Variants in WASF3 observed in about 807,000 individuals in gnomAD.
The protein encoded by WASF3 is WASP family member 3.
In WASF3, 11 loss-of-function variants were observed where a neutral mutation model predicts 46.6. The ratio of observed to expected loss-of-function variants is 0.24; its 90% CI spans 0.15 to 0.39. The LOEUF is 0.39. Among genes scored for constraint, WASF3 ranks in the 10% least tolerant of loss-of-function variants. The pLI is 1.00. For synonymous variants in WASF3, 242 were observed against 259.7 expected, an observed-to-expected ratio of 0.93 and a Z score of 0.65; for missense variants, 576 against 669.8, an observed-to-expected ratio of 0.86 and a Z score of 1.55.
chr13:26,551,327 A>G, the WASF3 span, among the ~76,000 whole-genome samples: 1 of 152,136 alleles, frequency 6.6e-6, no homozygotes, highest in Non-Finnish European at 1.5e-5. Context: ...CAGTGGCTTC[A>G]TGGGGGATGG....
In WASF3 at chr13:26,613,048, A is replaced by G. The variant is rs544715628; in HGVS notation, c.-21A>G. Reference sequence around the variant, plus strand: ...GGGGAATTTCTGCAACCCATAGTCAACGATTACATGGTAAGAGTGTGTGCC... The same window carrying G: ...GGGGAATTTCTGCAACCCATAGTCAGCGATTACATGGTAAGAGTGTGTGCC... On this transcript the variant is annotated 5_prime_UTR_variant, in exon 2 of 10. Coordinates refer to ENST00000335327, the MANE Select transcript of WASF3 (RefSeq NM_006646.6). 9 of 152,228 alleles carry G rather than the reference A, an allele frequency of 5.9e-5. No homozygotes were observed. The highest frequency in any genetic ancestry group is 2.6e-4 in the Admixed American group (4 of 15,290). 9.4% of individuals were successfully genotyped at this position (152,228 alleles called of 1,614,324 possible). A position where few individuals can be genotyped will look rare whatever the true frequency, so the allele number is the denominator to read the frequency against.
rs531587584 is a variant in WASF3 at position 26,645,080 on chromosome 13, G to T, written c.133+2677G>T. Among the ~76,000 whole-genome samples the T allele has an allele frequency of 1.8e-4, 28 of 152,330 alleles. No homozygotes were observed. In the South Asian group the frequency reaches 4.6e-3, roughly 25 times the overall value. On this transcript the variant is annotated intron_variant, in intron 3 of 9. Coordinates refer to ENST00000335327, the MANE Select transcript of WASF3 (RefSeq NM_006646.6). ...AATTTTGGAAAACGAAGATAACTGA[G>T]TGCAATGAACTGAATGTTTGTGTCT...
At chr13:26,664,941 G>A in intron 3 of WASF3, 87 bp from the exon 4 acceptor site, 1 of 1,380,506 alleles carries the variant, frequency 7.2e-7, no homozygotes, top group Non-Finnish European at 1.0e-6. Flanking sequence ...CCCACATGTT[G>A]ACAGGAATAA....
At chr13:26,559,587 G>T (rs1441823868) in intron 1 of WASF3, among the ~76,000 whole-genome samples, 1 of 152,050 alleles carries the variant, frequency 6.6e-6, no homozygotes, top group Non-Finnish European at 1.5e-5. Context: ...ATGTATGGCA[G>T]GTAACCTTTT....
intron 6 of WASF3, among the ~76,000 whole-genome samples, chr13:26,674,565 G>A (rs1210840982): frequency 3.3e-5 from 5 of 152,136 alleles, no homozygotes. Context: ...AACATTTTAC[G>A]AAGTATTTGT....
intron 1 of WASF3, among the ~76,000 whole-genome samples, chr13:26,599,218 C>CTGG (rs1880573113): frequency 8.2e-6 from 1 of 121,792 alleles, no homozygotes. Context: ...GAGTCTTGCT[C>CTGG]TGTCACCCAG....
chr13:26,683,032 C>T lies in WASF3; in HGVS notation c.1351+58C>T, dbSNP rs1294007572. On this transcript the variant is annotated intron_variant, in intron 9 of 9. Transcript: ENST00000335327. ...TTCAGCAAGAGGTTTCTTCATGTCT[C>T]CAGCCAGCTACAGCCTCCTTGTCTT... The T allele has an allele frequency of 3.2e-6, 5 of 1,553,112 alleles. No homozygotes were observed. In the East Asian group the frequency reaches 9.0e-5, roughly 28 times the overall value.
chr13:26,660,182 GT>G (rs1326204619), intron 3 of WASF3, among the ~76,000 whole-genome samples: 1 of 51,082 alleles, frequency 2.0e-5, no homozygotes, highest in African/African-American at 6.9e-5. Flanking sequence ...ATTAGCTTTT[GT>G]TTTTTGTTTG....
At chr13:26,582,676 C>CAAAAAAAA (rs398022033) in intron 1 of WASF3, among the ~76,000 whole-genome samples, 5 of 53,398 alleles carry the variant, frequency 9.4e-5, no homozygotes, top group East Asian at 6.5e-4. Flanking sequence ...GACTCCGTCT[C>CAAAAAAAA]AAAAAAAAAA....
intron 1 of WASF3, among the ~76,000 whole-genome samples, chr13:26,560,796 G>A (rs1231919463): frequency 6.6e-6 from 1 of 152,216 alleles, no homozygotes; most frequent in East Asian, 1.9e-4. Flanking sequence ...GTCAGCCCCC[G>A]ATGAGCTTGC....
At chr13:26,547,567 T>C in the WASF3 span, among the ~76,000 whole-genome samples, 1 of 152,298 alleles carries the variant, frequency 6.6e-6, no homozygotes, top group East Asian at 1.9e-4. Flanking sequence ...CCTTACTGAT[T>C]CCTTCTCATA....
chr13:26,592,930 A>G (rs1880348014), intron 1 of WASF3, among the ~76,000 whole-genome samples: 1 of 152,206 alleles, frequency 6.6e-6, no homozygotes. Context: ...CAATATTTAC[A>G]GTGATTTTCT....
intron 1 of WASF3, among the ~76,000 whole-genome samples, chr13:26,595,230 A>G (rs935965372): frequency 6.6e-6 from 1 of 152,158 alleles, no homozygotes; most frequent in Non-Finnish European, 1.5e-5. Flanking sequence ...TCTGTCTGAT[A>G]TTGTTTCCAT....
At chr13:26,554,088 C>CTTTCTTTCTTTCTTTCTTTCT (rs1289008259), upstream of WASF3, among the ~76,000 whole-genome samples, 2 of 27,694 alleles carry the variant, frequency 7.2e-5, no homozygotes, top group East Asian at 1.6e-3. Context: ...TCCTTCCTTC[C>CTTTCTTTCTTTCTTTCTTTCT]TTCCTTCCTT....
chr13:26,626,217 A>G (rs1593155874), intron 2 of WASF3: 1 of 152,398 alleles, frequency 6.6e-6, no homozygotes. Context: ...CAGTGGATGG[A>G]AAAGTACTAA....
At chr13:26,639,011 G>A (rs1352989128) in intron 2 of WASF3, among the ~76,000 whole-genome samples, 2 of 152,128 alleles carry the variant, frequency 1.3e-5, no homozygotes, top group Non-Finnish European at 2.9e-5. Context: ...CACCATGAGT[G>A]GAAGCAGCCT....
At chr13:26,572,934 G>T (rs769565332) in intron 1 of WASF3, among the ~76,000 whole-genome samples, 3 of 152,140 alleles carry the variant, frequency 2.0e-5, no homozygotes, top group Non-Finnish European at 4.4e-5. Context: ...TGTGATATTG[G>T]TTTGTAATGT....
chr13:26,676,745 C>T lies in WASF3; in HGVS notation c.716+21C>T, dbSNP rs547798753. ...ACTAGGTGTGTGTGTGTCACTGCTC[C>T]CTCAGCCCTGATGCTTGGGCAACTG... On this transcript the variant is annotated intron_variant, in intron 7 of 9. Transcript: ENST00000335327. 43 of 1,599,706 alleles carry T rather than the reference C, an allele frequency of 2.7e-5. No individual in the cohort carries two copies. The South Asian group carries it at 4.5e-4, about 17-fold the overall frequency.
Position 26,586,416 on chromosome 13 carries a change from A to G in WASF3, c.-108-26545A>G, listed in dbSNP as rs182930360. Among the ~76,000 whole-genome samples, 52 of 152,298 alleles carry G rather than the reference A, an allele frequency of 3.4e-4. 1 individual carries two copies. Among genetic ancestry groups the G allele is most frequent in the African/African-American group, 1.2e-3 (50 of 41,568 alleles). ...ATAACTCTTACCCTAGGGATTTAAAATGTCACATCCATCTTATACTGAGTT... is the reference window on the plus strand; with the variant it reads ...ATAACTCTTACCCTAGGGATTTAAAGTGTCACATCCATCTTATACTGAGTT... On this transcript the variant is annotated intron_variant, in intron 1 of 9. Transcript: ENST00000335327.
Sources: gnomAD v4.1 joint callset for allele counts (sites outside exome capture counted in the v4.1 genomes callset) on GRCh38, gnomAD v4.1.1 for gene constraint, MANE v1.5 for transcripts, NCBI Gene and HGNC (gene_info 2026-07-23, HGNC 2026-07-21) for gene names.